ADGRL3: variants seen among roughly 807,000 people sequenced by gnomAD.
ADGRL3 encodes the protein adhesion G protein-coupled receptor L3.
In ADGRL3, 62 loss-of-function variants were observed where a neutral mutation model predicts 153.5. The observed-to-expected ratio is 0.40, with a 90% CI of 0.33 to 0.50. The LOEUF (loss-of-function observed/expected upper bound fraction) is 0.50. Ranked by LOEUF, ADGRL3 falls within the 20% of genes least tolerant of loss-of-function variation. ADGRL3 has a pLI of 0.47. For synonymous variants in ADGRL3, 710 were observed against 672.5 expected (o/e 1.06, Z -0.86); for missense variants, 1,641 against 1,859.4 (o/e 0.88, Z 2.16).
intron 13 of ADGRL3, among the ~76,000 whole-genome samples, chr4:61,932,238 G>C (rs543153526): frequency 7.8e-4 from 119 of 152,208 alleles, no homozygotes; most frequent in African/African-American, 2.7e-3. Context: ...AGTGGCAAGA[G>C]TGGGCACCTT....
intron 13 of ADGRL3, among the ~76,000 whole-genome samples, chr4:61,915,776 T>C (rs2098742486): frequency 6.6e-6 from 1 of 152,210 alleles, no homozygotes; most frequent in South Asian, 2.1e-4. Flanking sequence ...ATTTGCATTT[T>C]AAAGACTTGT....
intron 1 of ADGRL3, among the ~76,000 whole-genome samples, chr4:61,242,303 G>T (rs1462931161): frequency 6.6e-6 from 1 of 151,940 alleles, no homozygotes; most frequent in Non-Finnish European, 1.5e-5. Flanking sequence ...AGAGGACCAG[G>T]CATGTAGTTG....
chr4:61,556,388 C>G (rs1016238068), intron 4 of ADGRL3, among the ~76,000 whole-genome samples: 5 of 152,024 alleles, frequency 3.3e-5, no homozygotes, highest in Admixed American at 2.6e-4. Flanking sequence ...GCAAGGAGAT[C>G]TGGTGCCACT....
At chr4:61,303,006 A>G (rs2150371118) in intron 1 of ADGRL3, among the ~76,000 whole-genome samples, 1 of 152,284 alleles carries the variant, frequency 6.6e-6, no homozygotes, top group African/African-American at 2.4e-5. Context: ...AAATCCATTC[A>G]CAAAAGACGA....
chr4:61,457,777 G>A (rs982965981), intron 2 of ADGRL3, among the ~76,000 whole-genome samples: 68 of 151,794 alleles, frequency 4.5e-4, no homozygotes, highest in African/African-American at 1.6e-3. Flanking sequence ...TAAAATGATT[G>A]GATTGGGTAC....
At chr4:61,375,661 G>A (rs1401853071) in intron 1 of ADGRL3, among the ~76,000 whole-genome samples, 1 of 152,054 alleles carries the variant, frequency 6.6e-6, no homozygotes, top group Non-Finnish European at 1.5e-5. Context: ...TTTTAGTACA[G>A]AGCCTCTGTA....
intron 1 of ADGRL3, among the ~76,000 whole-genome samples, chr4:61,216,341 G>A (rs1577880374): frequency 6.6e-6 from 1 of 151,742 alleles, no homozygotes; most frequent in Admixed American, 6.6e-5. Flanking sequence ...AATGATTTTA[G>A]GATTTGGTAT....
At chr4:61,704,152 T>C (rs934826190) in intron 6 of ADGRL3, among the ~76,000 whole-genome samples, 4 of 152,192 alleles carry the variant, frequency 2.6e-5, no homozygotes, top group African/African-American at 9.7e-5. Flanking sequence ...ATAGGCAGAC[T>C]TTGTTATTTG....
chr4:61,226,360 A>C (rs148627825), intron 1 of ADGRL3, among the ~76,000 whole-genome samples: 125 of 152,304 alleles, frequency 8.2e-4, no homozygotes, highest in African/African-American at 2.7e-3. Flanking sequence ...CAGCAAATAA[A>C]TAATTGCAGT....
intron 5 of ADGRL3, among the ~76,000 whole-genome samples, chr4:61,600,466 TGC>T (rs2099006881): frequency 6.6e-6 from 1 of 152,160 alleles, no homozygotes; most frequent in Non-Finnish European, 1.5e-5. Flanking sequence ...CAGATACTTA[TGC>T]GTGATCTGTA....
At chr4:61,396,295 G>A (rs2096867637) in intron 2 of ADGRL3, among the ~76,000 whole-genome samples, 1 of 151,740 alleles carries the variant, frequency 6.6e-6, no homozygotes, top group Non-Finnish European at 1.5e-5. Flanking sequence ...TATTTAGAAT[G>A]CAAACTAAGT....
At chr4:62,007,256 C>T (rs566296736) in intron 21 of ADGRL3, among the ~76,000 whole-genome samples, 13 of 148,860 alleles carry the variant, frequency 8.7e-5, no homozygotes, top group Middle Eastern at 7.0e-3. Flanking sequence ...TGACCACTCC[C>T]GGCTGCAAGG....
At chr4:61,411,240 T>C (rs200104826) in intron 2 of ADGRL3, among the ~76,000 whole-genome samples, 4,689 of 152,248 alleles carry the variant, frequency 0.031, 219 homozygotes, top group East Asian at 0.2. Context: ...TCAGTTTCTT[T>C]TTTTTCTGGA....
intron 25 of ADGRL3, among the ~76,000 whole-genome samples, chr4:62,053,645 T>C (rs1261494290): frequency 6.6e-6 from 1 of 151,546 alleles, no homozygotes; most frequent in Non-Finnish European, 1.5e-5. Context: ...TCAGCCTCAG[T>C]CTAAATAGAA....
At chr4:61,316,995 C>G (rs74821945) in intron 1 of ADGRL3, among the ~76,000 whole-genome samples, 2 of 152,104 alleles carry the variant, frequency 1.3e-5, no homozygotes, top group Non-Finnish European at 2.9e-5. Flanking sequence ...TTCTTTTAAG[C>G]CTTTTCCTTA....
chr4:61,477,702 G>C (rs1468928285), intron 2 of ADGRL3, among the ~76,000 whole-genome samples: 2 of 152,112 alleles, frequency 1.3e-5, no homozygotes, highest in Non-Finnish European at 2.9e-5. Flanking sequence ...GTCCATAATT[G>C]AAAATTTATC....
At chr4:61,755,480 T>C (rs2096815795) in intron 8 of ADGRL3, among the ~76,000 whole-genome samples, 1 of 152,232 alleles carries the variant, frequency 6.6e-6, no homozygotes, top group Non-Finnish European at 1.5e-5. Flanking sequence ...GTTTTTTTCT[T>C]GTAAATTTGT....
chr4:61,927,295 A>G lies in ADGRL3; in HGVS notation c.2113-7545A>G, dbSNP rs552649511. ...GAGATTTATTTGACAGCATTTGGTCATTTCATTCTAAAGTAGAATTAAAAA... is the reference window on the plus strand; with the variant it reads ...GAGATTTATTTGACAGCATTTGGTCGTTTCATTCTAAAGTAGAATTAAAAA... On this transcript the variant is annotated intron_variant, in intron 13 of 26. Coordinates refer to ENST00000683033, the MANE Select transcript of ADGRL3 (RefSeq NM_001387552.1). Among the ~76,000 whole-genome samples the G allele has an allele frequency of 2.0e-4, 31 of 152,234 alleles. No individual in the cohort carries two copies. The East Asian group carries it at 2.3e-3, about 11-fold the overall frequency.
rs543083413 is a variant in ADGRL3 at position 61,619,046 on chromosome 4, T to C, written c.473+31606T>C. ...AGTTTGTGTTTAAGTCACATTTTTT[T>C]AAATGAGCCTTTAGGCAAAGCAAAT... On this transcript the variant is annotated intron_variant, in intron 5 of 26. Transcript: ENST00000683033. 2.6e-4 allele frequency among the ~76,000 whole-genome samples: 39 copies of C among 152,282 alleles called. No individual in the cohort carries two copies. The South Asian group carries it at 6.4e-3, about 25-fold the overall frequency.
Sources: allele counts gnomAD v4.1 joint callset (sites outside exome capture counted in the v4.1 genomes callset), GRCh38; gene constraint gnomAD v4.1.1; transcripts MANE v1.5; gene names NCBI Gene and HGNC (gene_info 2026-07-23, HGNC 2026-07-21).